The following RANBP2 variants were observed in gnomAD, a reference collection of about 807,000 sequenced individuals.
RANBP2 encodes E3 SUMO-protein ligase RanBP2.
In RANBP2, 57 loss-of-function variants were observed where a neutral mutation model predicts 303.6. The observed-to-expected ratio is 0.19, with a 90% confidence interval of 0.15 to 0.23. The LOEUF is 0.23. Ranked by LOEUF, RANBP2 falls within the 10% of genes least tolerant of loss-of-function variation. The pLI is 1.00. For missense variants in RANBP2, 3,138 were observed against 3,780.8 expected (o/e 0.83, Z 4.46); for synonymous variants, 1,167 against 1,301.5 (o/e 0.90, Z 2.23).
chr2:109,301,886 G>C, the RANBP2 span, among the ~76,000 whole-genome samples: 1 of 152,184 alleles, frequency 6.6e-6, no homozygotes, highest in Non-Finnish European at 1.5e-5. Context: ...GTTCTCAAGG[G>C]TGTTGGCCTA....
chr2:108,798,543 GT>G, the RANBP2 span: 1 of 1,613,648 alleles, frequency 6.2e-7, no homozygotes, highest in Non-Finnish European at 8.5e-7. Flanking sequence ...AAAATTAAAG[GT>G]GTTGAAGAAG....
chr2:109,615,482 G>A, the RANBP2 span: 1 of 1,613,592 alleles, frequency 6.2e-7, no homozygotes, highest in Non-Finnish European at 8.5e-7. Flanking sequence ...ACCAGCTGCC[G>A]GTGAACATCG....
the RANBP2 span, chr2:108,804,831 A>G: frequency 1.4e-6 from 2 of 1,379,968 alleles, no homozygotes; most frequent in Non-Finnish European, 1.9e-6. Flanking sequence ...GTTCCATAGT[A>G]TTAGTGATAT....
At chr2:108,819,296 G>A in the RANBP2 span, among the ~76,000 whole-genome samples, 124 of 152,308 alleles carry the variant, frequency 8.1e-4, 1 homozygote, top group Middle Eastern at 3.4e-3. Flanking sequence ...GTATAGCGCA[G>A]TGCAACCAGG....
At chr2:108,845,058 T>C in the RANBP2 span, among the ~76,000 whole-genome samples, 1 of 152,122 alleles carries the variant, frequency 6.6e-6, no homozygotes, top group Non-Finnish European at 1.5e-5. Flanking sequence ...CATTTTTTTT[T>C]CAAGTTTATT....
chr2:109,166,492 C>T, the RANBP2 span, among the ~76,000 whole-genome samples: 2 of 151,296 alleles, frequency 1.3e-5, no homozygotes, highest in African/African-American at 4.8e-5. Context: ...AGATGCCCTT[C>T]ACCTCTATGT....
the RANBP2 span, among the ~76,000 whole-genome samples, chr2:108,800,608 CTTTTTTTTTT>C: frequency 2.1e-4 from 7 of 33,492 alleles, no homozygotes; most frequent in East Asian, 2.4e-3. Flanking sequence ...CTCAGTTTAG[CTTTTTTTTTT>C]TTTTTTTTTT....
the RANBP2 span, among the ~76,000 whole-genome samples, chr2:108,970,642 T>C: frequency 6.6e-6 from 1 of 152,056 alleles, no homozygotes; most frequent in Non-Finnish European, 1.5e-5. Flanking sequence ...ATACTTCACT[T>C]CCTTCCTGCT....
At chr2:109,282,203 T>C in the RANBP2 span, among the ~76,000 whole-genome samples, 2 of 152,152 alleles carry the variant, frequency 1.3e-5, no homozygotes, top group Non-Finnish European at 2.9e-5. Flanking sequence ...CATGAGTGTT[T>C]ATTGGGGTTA....
At chr2:109,688,607 T>G in the RANBP2 span, among the ~76,000 whole-genome samples, 2 of 151,544 alleles carry the variant, frequency 1.3e-5, no homozygotes, top group Admixed American at 1.3e-4. Flanking sequence ...GGTGAAACCT[T>G]GTCTCTACTA....
the RANBP2 span, among the ~76,000 whole-genome samples, chr2:109,533,779 T>G: frequency 6.6e-6 from 1 of 152,200 alleles, no homozygotes; most frequent in Non-Finnish European, 1.5e-5. Context: ...GAAAAGGTCC[T>G]GGGGGGTACT....
the RANBP2 span, among the ~76,000 whole-genome samples, chr2:109,462,964 C>T: frequency 7.2e-5 from 11 of 152,204 alleles, no homozygotes; most frequent in Non-Finnish European, 1.3e-4. Flanking sequence ...TCCCCTAATG[C>T]GCAGTCACCC....
chr2:109,510,440 C>T, the RANBP2 span, among the ~76,000 whole-genome samples: 35 of 152,204 alleles, frequency 2.3e-4, no homozygotes, highest in Non-Finnish European at 4.9e-4. Flanking sequence ...CCCGAGGGTC[C>T]TTTGACAAGT....
At chr2:108,994,861 G>A in the RANBP2 span, among the ~76,000 whole-genome samples, 4 of 128,254 alleles carry the variant, frequency 3.1e-5, no homozygotes, top group South Asian at 4.8e-4. Flanking sequence ...ACAGAGTCTC[G>A]CTCTGTCGCC....
chr2:108,887,716 G>A, the RANBP2 span, among the ~76,000 whole-genome samples: 2 of 152,106 alleles, frequency 1.3e-5, no homozygotes, highest in Non-Finnish European at 2.9e-5. Context: ...ATTTTTATAT[G>A]TTGGTTTTGT....
At chr2:108,901,120 A>G in the RANBP2 span, among the ~76,000 whole-genome samples, 3 of 152,180 alleles carry the variant, frequency 2.0e-5, no homozygotes, top group Admixed American at 6.5e-5. Context: ...AACCTCAACA[A>G]ATTAAAAGAA....
chr2:109,514,545 G>A, the RANBP2 span, among the ~76,000 whole-genome samples: 15 of 152,164 alleles, frequency 9.9e-5, no homozygotes, highest in South Asian at 2.1e-4. Context: ...GCGGGATGCC[G>A]CAGGGAAGCC....
At chr2:109,496,737 C>T in the RANBP2 span, among the ~76,000 whole-genome samples, 1 of 152,038 alleles carries the variant, frequency 6.6e-6, no homozygotes, top group Non-Finnish European at 1.5e-5. Flanking sequence ...ATGTCTATGC[C>T]CTAAACCCTA....
chr2:108,954,693 T>C, the RANBP2 span, among the ~76,000 whole-genome samples: 2 of 149,930 alleles, frequency 1.3e-5, no homozygotes, highest in Non-Finnish European at 3.0e-5. Context: ...TTTTTTTTTC[T>C]GAGACAGAGT....
Sources: gnomAD v4.1 joint callset for allele counts (sites outside exome capture counted in the v4.1 genomes callset) on GRCh38, gnomAD v4.1.1 for gene constraint, MANE v1.5 for transcripts, NCBI Gene and HGNC (gene_info 2026-07-23, HGNC 2026-07-21) for gene names.